TBCEL: variants seen among roughly 807,000 people sequenced by gnomAD.
TBCEL encodes the protein tubulin-specific chaperone cofactor E-like protein.
Under a neutral mutation model 44.2 loss-of-function variants are expected in TBCEL, and 15 were observed. That is an observed-to-expected ratio of 0.34 (90% CI 0.23 to 0.52). TBCEL has a LOEUF of 0.52. Ranked by LOEUF, TBCEL falls within the 20% of genes least tolerant of loss-of-function variation. The pLI, the probability that TBCEL is intolerant of heterozygous loss-of-function variation, is 0.95. For missense variants in TBCEL, 319 were observed against 506.3 expected, an observed-to-expected ratio of 0.63 and a Z score of 3.55; for synonymous variants, 171 against 185.4, an observed-to-expected ratio of 0.92 and a Z score of 0.63.
At chr11:121,048,747 C>G (rs1455977958) in intron 4 of TBCEL, among the ~76,000 whole-genome samples, 1 of 151,880 alleles carries the variant, frequency 6.6e-6, no homozygotes, top group South Asian at 2.1e-4. Flanking sequence ...TCATATGGCC[C>G]TTTGCTATTT....
intron 2 of TBCEL, among the ~76,000 whole-genome samples, chr11:121,039,305 G>T (rs1945289905): frequency 6.6e-6 from 1 of 152,176 alleles, no homozygotes; most frequent in Non-Finnish European, 1.5e-5. Context: ...AAATGGCTCA[G>T]GATTCACCTA....
In TBCEL at chr11:121,086,916, G is replaced by A. The variant is rs770059104; in HGVS notation, c.1095G>A (p.Val365=). The A allele has an allele frequency of 5.6e-6, 9 of 1,614,064 alleles. No individual in the cohort carries two copies. Among genetic ancestry groups the A allele is most frequent in the South Asian group, 2.2e-5 (2 of 91,078 alleles). ...TGAGCATTCGTCTGGACCAAACAGTGGCAGAACTAAAGAAACAGTTAAAAA... is the reference window on the plus strand; with the variant it reads ...TGAGCATTCGTCTGGACCAAACAGTAGCAGAACTAAAGAAACAGTTAAAAA... The part of the protein sequence containing the change: ...EEMSIRLDQT[V]AELKKQLKTL... Residue 365 remains valine, a synonymous_variant, in exon 9 of 9, where the codon GTG becomes GTA. Coordinates refer to ENST00000683345, the MANE Select transcript of TBCEL (RefSeq NM_001363644.2).
chr11:121,045,302 T>C (rs1945409477), intron 2 of TBCEL, among the ~76,000 whole-genome samples: 1 of 152,128 alleles, frequency 6.6e-6, no homozygotes, highest in Non-Finnish European at 1.5e-5. Context: ...TCCAAACTGT[T>C]TAGCCTGATG....
chr11:121,088,780 G>T lies in TBCEL; in HGVS notation c.*1684G>T, dbSNP rs2135032311. The T allele has an allele frequency of 6.6e-6, 1 of 152,198 alleles. No homozygotes were observed. Among genetic ancestry groups the T allele is most frequent in the South Asian group, 2.1e-4 (1 of 4,816 alleles). 9.4% of individuals were successfully genotyped at this position (152,198 alleles called of 1,614,324 possible). On this transcript the variant is annotated 3_prime_UTR_variant, in exon 9 of 9. Transcript: ENST00000683345. ...TGTTTATTCTCTTAATGCACTTCAGGTTTGCTATCTGTAAAGCCTTTGACC... is the reference window on the plus strand; with the variant it reads ...TGTTTATTCTCTTAATGCACTTCAGTTTTGCTATCTGTAAAGCCTTTGACC...
At chr11:121,068,706 A>G (rs779246967) in intron 8 of TBCEL, among the ~76,000 whole-genome samples, 3 of 152,006 alleles carry the variant, frequency 2.0e-5, no homozygotes, top group Non-Finnish European at 4.4e-5. Flanking sequence ...CAACATGGAG[A>G]GACCCTGTCT....
chr11:121,032,334 T>C (rs554940861), intron 1 of TBCEL, among the ~76,000 whole-genome samples: 2 of 152,330 alleles, frequency 1.3e-5, no homozygotes, highest in African/African-American at 4.8e-5. Flanking sequence ...ATTCTTGTTA[T>C]TTACAGTACT....
At chr11:121,061,096 A>G (rs1565500488) in intron 8 of TBCEL, among the ~76,000 whole-genome samples, 1 of 152,088 alleles carries the variant, frequency 6.6e-6, no homozygotes, top group African/African-American at 2.4e-5. Flanking sequence ...AGACAAATTA[A>G]GTGAGATTTT....
chr11:121,047,819 T>C, intron 4 of TBCEL, 152 bp downstream of exon 4: 1 of 984,018 alleles, frequency 1.0e-6, no homozygotes, highest in East Asian at 2.7e-5. Context: ...TATGTCTTTA[T>C]ATCAAGATAA....
chr11:121,030,782 AT>A (rs1945128786), intron 1 of TBCEL, among the ~76,000 whole-genome samples: 1 of 151,778 alleles, frequency 6.6e-6, no homozygotes, highest in Non-Finnish European at 1.5e-5. Flanking sequence ...AGTTTTTGCC[AT>A]ATATGTACGC....
chr11:121,028,768 G>A (rs1945090783), intron 1 of TBCEL, among the ~76,000 whole-genome samples: 1 of 152,170 alleles, frequency 6.6e-6, no homozygotes, highest in Non-Finnish European at 1.5e-5. Context: ...TGCTCATATG[G>A]TTTTAAGAAC....
rs78023742 is a variant in TBCEL, at chr11:121,051,829, C to T, written c.274-1722C>T. ...AAATAGTGAATGCAGGGAACCTTTT[C>T]TTCTCACCTACTCTTCTGAAACTTC... On this transcript the variant is annotated intron_variant, in intron 4 of 8. Transcript: ENST00000683345. 2.2e-3 allele frequency among the ~76,000 whole-genome samples: 340 copies of T among 151,912 alleles called. 15 individuals are homozygous for T. In the East Asian group the frequency reaches 0.061, roughly 27 times the overall value.
chr11:121,043,943 C>A lies in TBCEL; in HGVS notation c.-17-1731C>A, dbSNP rs113172913. 1.5e-3 allele frequency among the ~76,000 whole-genome samples: 229 copies of A among 152,148 alleles called. 1 individual carries two copies. Among genetic ancestry groups the A allele is most frequent in the African/African-American group, 4.8e-3 (199 of 41,532 alleles). ...TTCCACAGGCACTTCAAATTGAACA[C>A]GTATAAAGTGGAATTCATCATTTTC... On this transcript the variant is annotated intron_variant, in intron 2 of 8. Transcript: ENST00000683345.
At chr11:121,039,551 A>G (rs1945294609) in intron 2 of TBCEL, among the ~76,000 whole-genome samples, 1 of 152,240 alleles carries the variant, frequency 6.6e-6, no homozygotes. Flanking sequence ...ACTAAGCTCT[A>G]TGAAGGCACA....
In TBCEL at chr11:121,089,378, A is replaced by G. The variant is rs1472685199; in HGVS notation, c.*2282A>G. On this transcript the variant is annotated 3_prime_UTR_variant, in exon 9 of 9. Coordinates refer to ENST00000683345, the MANE Select transcript of TBCEL (RefSeq NM_001363644.2). ...TTCTTTTATTATACAGTTGCATGTAAAGGGAGCTTCTCATTTAATTCAGCG... is the reference window on the plus strand; with the variant it reads ...TTCTTTTATTATACAGTTGCATGTAGAGGGAGCTTCTCATTTAATTCAGCG... The G allele has an allele frequency of 1.3e-5, 2 of 152,162 alleles. No homozygotes were observed. The highest frequency in any genetic ancestry group is 4.8e-5 in the African/African-American group (2 of 41,440). 9.4% of individuals were successfully genotyped at this position (152,162 alleles called of 1,614,324 possible). A position where few individuals can be genotyped will look rare whatever the true frequency, so the allele number is the denominator to read the frequency against.
chr11:121,084,921 G>T (rs1176549993), intron 8 of TBCEL, among the ~76,000 whole-genome samples: 1 of 151,648 alleles, frequency 6.6e-6, no homozygotes, highest in African/African-American at 2.4e-5. Flanking sequence ...CTTTGTCTTT[G>T]TTTGTTTTGC....
At chr11:121,024,725 A>G (rs371588078) in intron 1 of TBCEL, among the ~76,000 whole-genome samples, 1 of 152,154 alleles carries the variant, frequency 6.6e-6, no homozygotes, top group Non-Finnish European at 1.5e-5. Flanking sequence ...TCTCTGAACT[A>G]CTGAATCCCA....
chr11:121,058,289 C>A, intron 6 of TBCEL, 56 bp from the exon 7 acceptor site: 1 of 1,580,076 alleles, frequency 6.3e-7, no homozygotes, highest in Non-Finnish European at 8.6e-7. Flanking sequence ...TGCTATGTTT[C>A]TCTTCTTATT....
chr11:121,058,523 T>C (rs1280056319), intron 7 of TBCEL, 52 bp downstream of exon 7: 1 of 1,600,964 alleles, frequency 6.2e-7, no homozygotes, highest in Non-Finnish European at 8.5e-7. Context: ...TATTGTTTCA[T>C]TAAAGGAATA....
intron 8 of TBCEL, among the ~76,000 whole-genome samples, chr11:121,082,356 T>C (rs1267891306): frequency 6.6e-6 from 1 of 152,234 alleles, no homozygotes. Context: ...ATACTTTTCA[T>C]GTGTGCCATC....
Sources: allele counts gnomAD v4.1 joint callset (sites outside exome capture counted in the v4.1 genomes callset), GRCh38; gene constraint gnomAD v4.1.1; transcripts MANE v1.5; gene names NCBI Gene and HGNC (gene_info 2026-07-23, HGNC 2026-07-21).